DLGAP2: variants seen among roughly 807,000 people sequenced by gnomAD.
The protein encoded by DLGAP2 is DLG associated protein 2.
DLGAP2 carries 26 observed loss-of-function variants against 100.3 expected under a neutral mutation model. The observed-to-expected ratio is 0.26, with a 90% CI of 0.19 to 0.36. The LOEUF is 0.36. Ranked by LOEUF, DLGAP2 falls within the 10% of genes least tolerant of loss-of-function variation. The pLI is 1.00. For missense variants in DLGAP2, 1,858 were observed against 1,453.2 expected (o/e 1.28, Z -4.53); for synonymous variants, 886 against 630.1 (o/e 1.41, Z -6.08).
intron 2 of DLGAP2, among the ~76,000 whole-genome samples, chr8:1,148,459 C>T (rs527467346): frequency 8.6e-5 from 13 of 151,864 alleles, no homozygotes; most frequent in South Asian, 2.1e-4. Context: ...TTAATTTCTG[C>T]TTTAATCTTT....
intron 3 of DLGAP2, among the ~76,000 whole-genome samples, chr8:1,490,017 G>A (rs1224507312): frequency 4.0e-5 from 6 of 151,634 alleles, no homozygotes; most frequent in Non-Finnish European, 8.8e-5. Flanking sequence ...TCAGCCTCCC[G>A]AGTAGCTGGG....
intron 1 of DLGAP2, among the ~76,000 whole-genome samples, chr8:801,998 C>CGGCCTGGGG (rs1796166143): frequency 2.7e-5 from 3 of 111,428 alleles, no homozygotes; most frequent in African/African-American, 8.8e-5. Flanking sequence ...TCTGTCCTCA[C>CGGCCTGGGG]AGCCTGAGGA....
chr8:1,116,930 G>A (rs949336357), intron 2 of DLGAP2, among the ~76,000 whole-genome samples: 2 of 152,194 alleles, frequency 1.3e-5, no homozygotes, highest in African/African-American at 4.8e-5. Flanking sequence ...AACCTCTTCC[G>A]CAGCCAACAG....
At chr8:1,615,746 A>G (rs1159762757) in intron 6 of DLGAP2, among the ~76,000 whole-genome samples, 3 of 152,142 alleles carry the variant, frequency 2.0e-5, no homozygotes, top group Non-Finnish European at 4.4e-5. Flanking sequence ...AACTCACCGG[A>G]AAGATCTTTA....
chr8:1,355,724 G>C (rs1009005714), intron 3 of DLGAP2, among the ~76,000 whole-genome samples: 1 of 152,076 alleles, frequency 6.6e-6, no homozygotes. Flanking sequence ...TAGCCACAGA[G>C]CTCTGAACAA....
intron 6 of DLGAP2, among the ~76,000 whole-genome samples, chr8:1,594,126 C>G (rs1034687318): frequency 2.0e-5 from 3 of 152,166 alleles, no homozygotes; most frequent in African/African-American, 7.2e-5. Context: ...CCCTCAGAAT[C>G]TCTGAATGAT....
At chr8:1,177,820 G>C (rs1292556797) in intron 2 of DLGAP2, among the ~76,000 whole-genome samples, 2 of 152,140 alleles carry the variant, frequency 1.3e-5, no homozygotes, top group African/African-American at 2.4e-5. Flanking sequence ...GCTCTCCAGG[G>C]CCTCTTACCT....
At chr8:1,548,522 T>G (rs1301906983) in intron 4 of DLGAP2, 104 bp from the exon 5 acceptor site, 1 of 757,588 alleles carries the variant, frequency 1.3e-6, no homozygotes, top group Non-Finnish European at 1.9e-6. Context: ...AGGCCAGACA[T>G]GGACACTGAT....
intron 1 of DLGAP2, among the ~76,000 whole-genome samples, chr8:761,379 C>G (rs1821078717): frequency 6.6e-6 from 1 of 152,248 alleles, no homozygotes; most frequent in African/African-American, 2.4e-5. Context: ...GAATCGGGAG[C>G]AGACTGCAGT....
intron 2 of DLGAP2, among the ~76,000 whole-genome samples, chr8:1,108,820 G>A (rs1450246095): frequency 7.3e-6 from 1 of 136,912 alleles, no homozygotes; most frequent in African/African-American, 2.8e-5. Flanking sequence ...TCTATGAGGT[G>A]TGCATGTGCC....
intron 1 of DLGAP2, among the ~76,000 whole-genome samples, chr8:836,453 G>T (rs1460334150): frequency 1.3e-5 from 2 of 152,228 alleles, no homozygotes; most frequent in Non-Finnish European, 2.9e-5. Flanking sequence ...GCCCTGGCAG[G>T]GATGGGGTCC....
chr8:1,030,409 A>G (rs1032090697), intron 2 of DLGAP2, among the ~76,000 whole-genome samples: 2 of 152,212 alleles, frequency 1.3e-5, no homozygotes, highest in Non-Finnish European at 2.9e-5. Context: ...TGAAGCTCCA[A>G]GGCCAGCTGC....
chr8:966,652 A>G (rs1014932317), intron 2 of DLGAP2, among the ~76,000 whole-genome samples: 2 of 151,880 alleles, frequency 1.3e-5, no homozygotes, highest in Admixed American at 6.6e-5. Context: ...ACAAAATGTG[A>G]TGGGTGTTAT....
chr8:1,623,289 G>T (rs755350173), intron 6 of DLGAP2, among the ~76,000 whole-genome samples: 1 of 152,032 alleles, frequency 6.6e-6, no homozygotes, highest in Non-Finnish European at 1.5e-5. Context: ...CCCCCATCCC[G>T]CCCAAGCCTG....
At chr8:1,261,978 C>T (rs1799360041) in intron 3 of DLGAP2, among the ~76,000 whole-genome samples, 1 of 152,192 alleles carries the variant, frequency 6.6e-6, no homozygotes, top group South Asian at 2.1e-4. Context: ...GGTTAAGGCA[C>T]CACCTCATTT....
intron 1 of DLGAP2, among the ~76,000 whole-genome samples, chr8:893,566 C>G (rs912012170): frequency 6.6e-6 from 1 of 152,204 alleles, no homozygotes; most frequent in African/African-American, 2.4e-5. Flanking sequence ...ATGAAGCTGC[C>G]CTTCCATCCA....
intron 1 of DLGAP2, among the ~76,000 whole-genome samples, chr8:906,555 A>G (rs1183673948): frequency 6.6e-6 from 1 of 152,130 alleles, no homozygotes; most frequent in Admixed American, 6.5e-5. Context: ...GTGTTCTTGC[A>G]CTGTTGGGCA....
At chr8:1,468,899 G>A (rs1027270225) in intron 3 of DLGAP2, among the ~76,000 whole-genome samples, 9 of 152,092 alleles carry the variant, frequency 5.9e-5, no homozygotes, top group African/African-American at 1.9e-4. Context: ...TGTCCATCCT[G>A]CTGTGCTCAC....
chr8:1,091,100 C>T (rs566724013), intron 2 of DLGAP2, among the ~76,000 whole-genome samples: 2 of 152,262 alleles, frequency 1.3e-5, no homozygotes, highest in South Asian at 2.1e-4. Context: ...CAGCCTGCAG[C>T]GCCCAGACCC....
Sources: gnomAD v4.1 joint callset for allele counts (sites outside exome capture counted in the v4.1 genomes callset) on GRCh38, gnomAD v4.1.1 for gene constraint, MANE v1.5 for transcripts, NCBI Gene and HGNC (gene_info 2026-07-23, HGNC 2026-07-21) for gene names.